Variants in TULP2 observed in about 807,000 individuals in gnomAD.
TULP2 encodes the protein TUB like protein 2.
TULP2 carries 64 observed loss-of-function variants against 60.3 expected under a neutral mutation model. That is an observed-to-expected ratio of 1.06 (90% CI 0.87 to 1.31). The LOEUF is 1.31. Ranked by LOEUF, TULP2 falls within the 50% of genes most tolerant of loss-of-function variation. The pLI, the probability that TULP2 is intolerant of heterozygous loss-of-function variation, is 0.00. For missense variants in TULP2, 652 were observed against 667.0 expected, an observed-to-expected ratio of 0.98 and a Z score of 0.25; for synonymous variants, 267 against 265.4, an observed-to-expected ratio of 1.01 and a Z score of -0.06.
In TULP2 at chr19:48,883,916, T is replaced by A. The variant is rs778708898; in HGVS notation, c.1176+16A>T. 2.5e-6 allele frequency: 4 copies of A among 1,613,598 alleles called. No homozygotes were observed. In the African/African-American group the frequency reaches 5.3e-5, roughly 22 times the overall value. ...CTGACTATCCTACCCCATTCTCTCA[T>A]CCCCAGGACACTCACATAACACACA... On this transcript the variant is annotated intron_variant, in intron 10 of 12. Transcript: ENST00000221399.
intron 7 of TULP2, 70 bp downstream of exon 7, chr19:48,889,440 C>G: frequency 6.6e-7 from 1 of 1,504,708 alleles, no homozygotes; most frequent in Non-Finnish European, 9.0e-7. Context: ...GAATTTTAGC[C>G]CCACCCTCAC....
intron 6 of TULP2, among the ~76,000 whole-genome samples, chr19:48,890,217 C>T (rs7507123): frequency 1.1e-3 from 126 of 113,098 alleles, no homozygotes; most frequent in African/African-American, 4.1e-3. Context: ...AAACCGCCTT[C>T]GGGCTGGAGG....
At chr19:48,891,801 A>C (rs897304954) in intron 6 of TULP2, among the ~76,000 whole-genome samples, 5 of 152,184 alleles carry the variant, frequency 3.3e-5, no homozygotes, top group African/African-American at 4.8e-5. Flanking sequence ...TATCTTTACT[A>C]TCTTGGTGAG....
In TULP2 at chr19:48,895,025, T is replaced by A; in HGVS notation, c.487A>T (p.Lys163Ter). 1 of 1,613,728 alleles carries A rather than the reference T, an allele frequency of 6.2e-7. No homozygotes were observed. Among genetic ancestry groups the A allele is most frequent in the South Asian group, 1.1e-5 (1 of 91,016 alleles). Reference protein sequence around the residue: ...PFKQSPRIRRKGWQAHQRPGT... With the variant: ...PFKQSPRIRR ...GGTCGTTGGTGGGCTTGCCAACCCT[T>A]GCGTCGGATTCTCGGAGACTGTTTA... Residue 163 changes from lysine (K) to a stop codon, truncating the protein, a stop_gained, in exon 6 of 13, where the codon AAG becomes TAG. Transcript: ENST00000221399. LOFTEE classifies it high-confidence loss of function.
chr19:48,897,805 C>T lies in TULP2; in HGVS notation c.32+32G>A. The T allele has an allele frequency of 1.9e-6, 3 of 1,613,274 alleles. No homozygotes were observed. Among genetic ancestry groups the T allele is most frequent in the Non-Finnish European group, 1.7e-6 (2 of 1,179,476 alleles). ...GCACGGGGTCCCCAGCCCTTTCCAC[C>T]TCCACCCCTACCCATCTGTTTCCCT... is the stretch of plus-strand genomic sequence containing the variant. On this transcript the variant is annotated intron_variant, in intron 2 of 12. Transcript: ENST00000221399. This position sits in a 1 kb window ranked among gnomAD's most constrained non-coding sequence, Gnocchi z 4.0.
chr19:48,891,704 G>C (rs1373474121), intron 6 of TULP2, among the ~76,000 whole-genome samples: 2 of 152,158 alleles, frequency 1.3e-5, no homozygotes, highest in East Asian at 3.9e-4. Context: ...TATAGAGGAA[G>C]AAAAGTGGGC....
At chr19:48,887,907 G>T (rs548050840) in intron 8 of TULP2, 43 bp downstream of exon 8, 5 of 1,579,014 alleles carry the variant, frequency 3.2e-6, no homozygotes, top group Middle Eastern at 1.7e-4. Flanking sequence ...TTGCCTGGGA[G>T]GTGGGGGCTT....
chr19:48,888,990 A>AT (rs1207924162), intron 7 of TULP2, among the ~76,000 whole-genome samples: 3,462 of 118,568 alleles, frequency 0.029, 109 homozygotes, highest in African/African-American at 0.088. Context: ...GGCTGCACCT[A>AT]TTTTTTTTTT....
chr19:48,883,858 G>A lies in TULP2; in HGVS notation c.1177-6C>T. 3 of 1,614,030 alleles carry A rather than the reference G, an allele frequency of 1.9e-6. No homozygotes were observed. The highest frequency in any genetic ancestry group is 2.2e-5 in the South Asian group (2 of 91,072). On this transcript the variant is annotated splice_region_variant and splice_polypyrimidine_tract_variant and intron_variant, in intron 10 of 12. Coordinates refer to ENST00000221399, the MANE Select transcript of TULP2 (RefSeq NM_003323.3). ...TATCCTAAGACGTTGGGCTCCTGGGGGTATTACATTCCAGTTGGCCTGGTT... is the reference window on the plus strand; with the variant it reads ...TATCCTAAGACGTTGGGCTCCTGGGAGTATTACATTCCAGTTGGCCTGGTT...
chr19:48,892,365 G>A (rs2037240721), intron 6 of TULP2, among the ~76,000 whole-genome samples: 1 of 152,200 alleles, frequency 6.6e-6, no homozygotes, highest in Admixed American at 6.5e-5. Context: ...CATACTGCCT[G>A]CAAAACCATT....
chr19:48,892,328 T>C (rs1434166037), intron 6 of TULP2, among the ~76,000 whole-genome samples: 1 of 152,174 alleles, frequency 6.6e-6, no homozygotes, highest in African/African-American at 2.4e-5. Context: ...TAATAGAGAA[T>C]GGAGAATGGC....
At position 48,882,083 on chromosome 19, in the gene TULP2, G is replaced by C. The variant is rs1352492217; in HGVS notation, c.1396C>G (p.Arg466Gly). The C allele has an allele frequency of 6.2e-7, 1 of 1,614,060 alleles. No individual in the cohort carries two copies. The highest frequency in any genetic ancestry group is 8.5e-7 in the Non-Finnish European group (1 of 1,180,046). Residue 466 changes from arginine (R) to glycine (G), a missense_variant, in exon 12 of 13, where the codon CGA becomes GGA. Physicochemically the swap from Arg to Gly is moderately radical, Grantham distance 125. Coordinates refer to ENST00000221399, the MANE Select transcript of TULP2 (RefSeq NM_003323.3). ...NGVYTLNFHG[R>G]VTRASVKNFQ... ...TTCTTCACCGAAGCCCGAGTGACTC[G>C]ACCATGGAAATTGAGCGTGTAGACA...
In TULP2 at chr19:48,888,810, C is replaced by T. The variant is rs532807663; in HGVS notation, c.637-549G>A. Among the ~76,000 whole-genome samples the T allele has an allele frequency of 1.1e-4, 17 of 151,632 alleles. No individual in the cohort carries two copies. The South Asian group carries it at 3.1e-3, about 28-fold the overall frequency. On this transcript the variant is annotated intron_variant, in intron 7 of 12. Coordinates refer to ENST00000221399, the MANE Select transcript of TULP2 (RefSeq NM_003323.3). The stretch of plus-strand genomic sequence containing the variant: ...CTAATTTTTGTATTTTTAGTAGAGA[C>T]GGGGCTTCACCAAGTTGGCCAAGCT...
Position 48,897,838 on chromosome 19 carries a change from C to T in TULP2, c.31G>A (p.Asp11Asn), listed in dbSNP as rs115772362. The change falls in exon 2 of 13, where the codon GAC becomes AAC. Residue 11 changes from aspartate to asparagine, a missense_variant and splice_region_variant. Coordinates refer to ENST00000221399, the MANE Select transcript of TULP2 (RefSeq NM_003323.3). This position sits in a 1 kb window ranked among gnomAD's most constrained non-coding sequence, Gnocchi z 4.0. MSQDNDTLMR[D>N]ILGHELAAMR... ...CTACCCATCTGTTTCCCTACTCACT[C>T]TCTCATCAATGTGTCATTATCCTGA... The T allele has an allele frequency of 1.2e-6, 2 of 1,613,842 alleles. No homozygotes were observed. Among genetic ancestry groups the T allele is most frequent in the Admixed American group, 3.3e-5 (2 of 59,980 alleles).
intron 8 of TULP2, among the ~76,000 whole-genome samples, chr19:48,886,150 CA>C (rs2037177265): frequency 6.7e-6 from 1 of 149,800 alleles, no homozygotes; most frequent in African/African-American, 2.5e-5. Context: ...ACTAAAAATA[CA>C]AAAAATTAGC....
intron 6 of TULP2, among the ~76,000 whole-genome samples, chr19:48,892,307 A>T (rs948156069): frequency 6.6e-6 from 1 of 152,128 alleles, no homozygotes; most frequent in Non-Finnish European, 1.5e-5. Flanking sequence ...ACAGTGTGTT[A>T]TGTTTCTGGT....
chr19:48,883,631 A>G (rs1037844367), intron 11 of TULP2, 123 bp downstream of exon 11: 1 of 992,080 alleles, frequency 1.0e-6, no homozygotes, highest in Non-Finnish European at 1.5e-6. Context: ...TTCAGGCTTC[A>G]TGTGACACCT....
At position 48,882,166 on chromosome 19, in the gene TULP2, T is replaced by G; in HGVS notation, c.1313A>C (p.Asp438Ala). 6.2e-7 allele frequency: 1 copy of G among 1,614,030 alleles called. No homozygotes were observed. The highest frequency in any genetic ancestry group is 8.5e-7 in the Non-Finnish European group (1 of 1,180,004). ...GTGCAACAAAAGCAACCCTTGTTTGTCCCCACGTTGGTAACGACTCAGTAG... is the reference window on the plus strand; with the variant it reads ...GTGCAACAAAAGCAACCCTTGTTTGGCCCCACGTTGGTAACGACTCAGTAG... The part of the protein sequence containing the change: ...ESLLSRYQRG[D>A]KQGLLLLHNK... The change falls in exon 12 of 13, where the codon GAC becomes GCC. Residue 438 changes from aspartate to alanine, a missense_variant. Physicochemically the swap from Asp to Ala is moderately radical, Grantham distance 126. Coordinates refer to ENST00000221399, the MANE Select transcript of TULP2 (RefSeq NM_003323.3).
chr19:48,887,169 G>A (rs927643847), intron 8 of TULP2, among the ~76,000 whole-genome samples: 2 of 150,412 alleles, frequency 1.3e-5, no homozygotes, highest in African/African-American at 2.4e-5. Context: ...CCACAACCAC[G>A]CCTGGCTAAC....
Sources: allele counts gnomAD v4.1 joint callset (sites outside exome capture counted in the v4.1 genomes callset), GRCh38; gene constraint gnomAD v4.1.1; non-coding constraint Gnocchi (gnomAD v3.1); transcripts MANE v1.5; gene names NCBI Gene and HGNC (gene_info 2026-07-23, HGNC 2026-07-21).